ZFHX3: variants seen among roughly 807,000 people sequenced by gnomAD.
The protein encoded by ZFHX3 is zinc finger homeobox protein 3.
In ZFHX3, 42 loss-of-function variants were observed where a neutral mutation model predicts 279.1. That is an observed-to-expected ratio of 0.15 (90% CI 0.12 to 0.19). The LOEUF (loss-of-function observed/expected upper bound fraction) is 0.19, where lower values mean the gene tolerates loss of function less well. ZFHX3 is among the 10% of genes least tolerant of loss of function. The pLI is 1.00. For missense variants in ZFHX3, 4,981 were observed against 4,754.0 expected, an observed-to-expected ratio of 1.05 and a Z score of -1.40; for synonymous variants, 2,293 against 1,957.8, an observed-to-expected ratio of 1.17 and a Z score of -4.52.
intron 1 of ZFHX3, among the ~76,000 whole-genome samples, chr16:72,990,866 G>T (rs1430534292): frequency 6.6e-6 from 1 of 152,122 alleles, no homozygotes; most frequent in African/African-American, 2.4e-5. Context: ...TGTAATCCCA[G>T]CTACTCGAGA....
At chr16:73,348,266 A>G (rs1472387962) in intron 3 of ZFHX3, among the ~76,000 whole-genome samples, 1 of 152,112 alleles carries the variant, frequency 6.6e-6, no homozygotes, top group Non-Finnish European at 1.5e-5. Flanking sequence ...TGGTGAGAAA[A>G]TAAGTCCTAA....
At position 72,797,746 on chromosome 16, in the gene ZFHX3, A is replaced by T. The variant is rs771499689; in HGVS notation, c.4936T>A (p.Ser1646Thr). 3.1e-6 allele frequency: 5 copies of T among 1,614,082 alleles called. No homozygotes were observed. The highest frequency in any genetic ancestry group is 4.2e-6 in the Non-Finnish European group (5 of 1,180,018). Residue 1646 changes from serine to threonine, a missense_variant, in exon 9 of 10, where the codon TCC becomes ACC. Around this residue, in one of 7 missense-constraint regions of ZFHX3, gnomAD observed 1,751 missense variants for 1,770.0 expected, o/e 0.99. Coordinates refer to ENST00000268489, the MANE Select transcript of ZFHX3 (RefSeq NM_006885.4). ...SNGTGNSSSI[S>T]LSSSTPSPVS... ...GGACTTGGCGTGGAGGAGCTCAAGG[A>T]AATACTGCTGCTGTTCCCAGTCCCA... is the stretch of plus-strand genomic sequence containing the variant.
intron 5 of ZFHX3, among the ~76,000 whole-genome samples, chr16:73,238,661 T>A (rs2013026903): frequency 6.6e-6 from 1 of 152,172 alleles, no homozygotes; most frequent in Non-Finnish European, 1.5e-5. Context: ...CTCGCCTTTG[T>A]GAGATCCTTC....
At chr16:73,251,798 ACACGCACACACCATG>A (rs2013502417) in intron 5 of ZFHX3, among the ~76,000 whole-genome samples, 1 of 144,110 alleles carries the variant, frequency 6.9e-6, no homozygotes, top group Non-Finnish European at 1.5e-5. Context: ...CACCATGCAC[ACACGCACACACCATG>A]CACACACACC....
intron 2 of ZFHX3, among the ~76,000 whole-genome samples, chr16:73,484,069 G>A (rs989934890): frequency 1.3e-5 from 2 of 151,996 alleles, no homozygotes; most frequent in African/African-American, 4.8e-5. Flanking sequence ...GGAGGGTCCG[G>A]GGGGAAGAGC....
chr16:73,398,738 A>C (rs1179692324), intron 3 of ZFHX3, among the ~76,000 whole-genome samples: 1 of 152,228 alleles, frequency 6.6e-6, no homozygotes, highest in Non-Finnish European at 1.5e-5. Context: ...CCGACCCATA[A>C]GCACATCATT....
chr16:73,508,256 G>T (rs1047260638), intron 2 of ZFHX3, among the ~76,000 whole-genome samples: 4 of 152,164 alleles, frequency 2.6e-5, no homozygotes. Flanking sequence ...TAATTAACTT[G>T]CTTCTGGGGA....
At chr16:73,167,627 T>A (rs990121776) in intron 5 of ZFHX3, among the ~76,000 whole-genome samples, 1 of 152,248 alleles carries the variant, frequency 6.6e-6, no homozygotes, top group Non-Finnish European at 1.5e-5. Context: ...GACAATTTTA[T>A]GGCTCTTTCA....
chr16:73,252,579 G>A (rs916252143), intron 5 of ZFHX3, among the ~76,000 whole-genome samples: 1 of 152,188 alleles, frequency 6.6e-6, no homozygotes, highest in African/African-American at 2.4e-5. Flanking sequence ...GGGAGTTTAA[G>A]TTCAAGAAGG....
intron 7 of ZFHX3, among the ~76,000 whole-genome samples, chr16:72,802,046 A>C (rs2036118341): frequency 6.6e-6 from 1 of 152,172 alleles, no homozygotes; most frequent in Non-Finnish European, 1.5e-5. Context: ...CAGAGTAAAA[A>C]AGAATAAAAT....
At chr16:72,995,597 T>A (rs1223175626) in intron 1 of ZFHX3, among the ~76,000 whole-genome samples, 1 of 152,152 alleles carries the variant, frequency 6.6e-6, no homozygotes, top group Non-Finnish European at 1.5e-5. Flanking sequence ...ACACAAAGGC[T>A]GTCAGTCCTC....
intron 3 of ZFHX3, among the ~76,000 whole-genome samples, chr16:73,386,480 G>A (rs527963762): frequency 4.6e-4 from 70 of 152,102 alleles, no homozygotes; most frequent in African/African-American, 1.4e-3. Context: ...TAGTGGTTAC[G>A]TGTAAGACTA....
At chr16:73,804,234 G>T (rs1296682155) in intron 1 of ZFHX3, among the ~76,000 whole-genome samples, 1 of 152,116 alleles carries the variant, frequency 6.6e-6, no homozygotes, top group Non-Finnish European at 1.5e-5. Context: ...TGGAACATTA[G>T]TTACCTTCTA....
At chr16:72,832,162 C>T (rs543203356) in intron 4 of ZFHX3, among the ~76,000 whole-genome samples, 2 of 152,162 alleles carry the variant, frequency 1.3e-5, no homozygotes, top group Non-Finnish European at 2.9e-5. Context: ...GGGGCCATCT[C>T]CAAGCCAGCA....
chr16:72,815,035 CCTCAGACATTAAAATGTCAGTCCCTAT>C lies in ZFHX3; in HGVS notation c.3530-3024_3530-2998del, dbSNP rs2036564217. 3.3e-5 allele frequency among the ~76,000 whole-genome samples: 5 copies of C among 152,170 alleles called. No individual in the cohort carries two copies. The South Asian group carries it at 1.0e-3, about 32-fold the overall frequency. On this transcript the variant is annotated intron_variant, in intron 5 of 9. Transcript: ENST00000268489. ...TGACACATGCCCCTCCCTTGCTTGACCTCAGACATTAAAATGTCAGTCCCTATCAAGACATCGTACCAAAGTCGTTAC... is the reference window on the plus strand; with the variant it reads ...TGACACATGCCCCTCCCTTGCTTGACCAAGACATCGTACCAAAGTCGTTAC...
intron 1 of ZFHX3, among the ~76,000 whole-genome samples, chr16:73,739,568 G>A (rs1454983474): frequency 6.6e-6 from 1 of 152,182 alleles, no homozygotes; most frequent in Non-Finnish European, 1.5e-5. Context: ...GCACACCTTG[G>A]TTGTTCCTGC....
At chr16:72,962,610 A>G (rs371628606) in intron 1 of ZFHX3, among the ~76,000 whole-genome samples, 77 of 152,336 alleles carry the variant, frequency 5.1e-4, no homozygotes, top group African/African-American at 1.7e-3. Flanking sequence ...TTGCCAAACA[A>G]GCGTGGTTTG....
At chr16:73,873,261 ATGG>A (rs2029873448) in intron 1 of ZFHX3, among the ~76,000 whole-genome samples, 1 of 22,946 alleles carries the variant, frequency 4.4e-5, no homozygotes, top group African/African-American at 1.8e-4. Context: ...GTGGCGGTGG[ATGG>A]TGGTGGTGGT....
At chr16:73,379,237 T>C (rs1219945846) in intron 3 of ZFHX3, among the ~76,000 whole-genome samples, 3 of 152,130 alleles carry the variant, frequency 2.0e-5, no homozygotes, top group African/African-American at 7.2e-5. Flanking sequence ...AAGTAGAGGT[T>C]ATAGTGAAGT....
Sources: allele counts gnomAD v4.1 joint callset (sites outside exome capture counted in the v4.1 genomes callset), GRCh38; gene constraint gnomAD v4.1.1; regional missense constraint gnomAD v4.1.1; transcripts MANE v1.5; gene names NCBI Gene and HGNC (gene_info 2026-07-23, HGNC 2026-07-21).